CEP112: variants seen among roughly 807,000 people sequenced by gnomAD.
CEP112 encodes the protein centrosomal protein of 112 kDa.
In CEP112, 127 loss-of-function variants were observed where a neutral mutation model predicts 153.0. That is an observed-to-expected ratio of 0.83 (90% CI 0.72 to 0.96). The LOEUF (loss-of-function observed/expected upper bound fraction) is 0.96, where lower values mean the gene tolerates loss of function less well. CEP112 is among the 40% of genes least tolerant of loss of function. CEP112 has a pLI of 0.00. For missense variants in CEP112, 1,089 were observed against 1,101.2 expected, an observed-to-expected ratio of 0.99 and a Z score of 0.16; for synonymous variants, 358 against 374.4, an observed-to-expected ratio of 0.96 and a Z score of 0.51.
intron 18 of CEP112, among the ~76,000 whole-genome samples, chr17:65,938,119 C>T (rs1461204028): frequency 8.5e-6 from 1 of 117,568 alleles, no homozygotes; most frequent in Non-Finnish European, 1.8e-5. Flanking sequence ...TGACCTTACC[C>T]CCAACCCTGT....
chr17:66,147,016 T>G (rs966417416), intron 4 of CEP112, among the ~76,000 whole-genome samples: 1 of 152,184 alleles, frequency 6.6e-6, no homozygotes, highest in Non-Finnish European at 1.5e-5. Flanking sequence ...TTCTTTTGGA[T>G]GTAAAAAGAA....
At chr17:66,047,474 A>G (rs1159625798) in intron 12 of CEP112, among the ~76,000 whole-genome samples, 1 of 152,224 alleles carries the variant, frequency 6.6e-6, no homozygotes, top group Non-Finnish European at 1.5e-5. Context: ...GGACATTCAC[A>G]TATACTTTCA....
At chr17:65,885,838 G>A (rs914362203) in intron 20 of CEP112, among the ~76,000 whole-genome samples, 4 of 152,118 alleles carry the variant, frequency 2.6e-5, no homozygotes, top group East Asian at 3.9e-4. Flanking sequence ...TTTCCAATTC[G>A]AGAACTGTAC....
rs28849520 is a variant in CEP112, at chr17:66,061,271, C to T, written c.1074+1692G>A. Reference sequence around the variant, plus strand: ...GTTAGCATGATTATTATTAAAAAGTCGAAAGATAGCAAGTGTTGGTGAGGA... The same window carrying T: ...GTTAGCATGATTATTATTAAAAAGTTGAAAGATAGCAAGTGTTGGTGAGGA... On this transcript the variant is annotated intron_variant, in intron 11 of 26. Coordinates refer to ENST00000535342, the MANE Select transcript of CEP112 (RefSeq NM_001199165.4). 6.2e-3 allele frequency among the ~76,000 whole-genome samples: 946 copies of T among 151,872 alleles called. 9 individuals are homozygous for T. The highest frequency in any genetic ancestry group is 0.022 in the African/African-American group (906 of 41,458).
chr17:65,930,726 C>T (rs1013975048), intron 18 of CEP112, among the ~76,000 whole-genome samples: 1 of 152,176 alleles, frequency 6.6e-6, no homozygotes, highest in Admixed American at 6.5e-5. Context: ...CATATTGGAC[C>T]TCAAGTGAGA....
chr17:66,045,312 C>T (rs1051345120), intron 12 of CEP112, among the ~76,000 whole-genome samples: 1 of 152,080 alleles, frequency 6.6e-6, no homozygotes, highest in African/African-American at 2.4e-5. Flanking sequence ...TCAAGTGATC[C>T]ACCTGCCTCA....
intron 18 of CEP112, among the ~76,000 whole-genome samples, chr17:65,937,575 T>A (rs1343732609): frequency 5.5e-5 from 3 of 54,408 alleles, no homozygotes; most frequent in Non-Finnish European, 1.1e-4. Context: ...GTGGGGGGGG[T>A]CAGCCCCCCA....
At chr17:66,020,838 G>A (rs1055967177) in intron 16 of CEP112, among the ~76,000 whole-genome samples, 1 of 152,106 alleles carries the variant, frequency 6.6e-6, no homozygotes, top group East Asian at 1.9e-4. Flanking sequence ...TCCCGAGATG[G>A]TGGACCAGAG....
At chr17:66,067,017 AC>A (rs1212226313) in intron 9 of CEP112, 140 bp from the exon 10 acceptor site, 9 of 586 alleles carry the variant, frequency 0.015, no homozygotes, top group Non-Finnish European at 0.03. Context: ...GAAATTATAA[AC>A]ACACACACAC....
At chr17:65,664,005 T>C (rs2046546334) in intron 24 of CEP112, among the ~76,000 whole-genome samples, 1 of 152,114 alleles carries the variant, frequency 6.6e-6, no homozygotes, top group Non-Finnish European at 1.5e-5. Context: ...GAGATCGTGC[T>C]ACTGCACTCC....
chr17:65,857,648 T>G (rs1204363915), intron 20 of CEP112, among the ~76,000 whole-genome samples: 1 of 152,218 alleles, frequency 6.6e-6, no homozygotes, highest in Non-Finnish European at 1.5e-5. Context: ...ATAATATTAC[T>G]GGATTCAGTT....
intron 17 of CEP112, among the ~76,000 whole-genome samples, chr17:65,986,541 G>A (rs186186566): frequency 3.8e-4 from 58 of 152,152 alleles, no homozygotes; most frequent in East Asian, 3.5e-3. Flanking sequence ...AAAATGCATC[G>A]GATTAAAGTA....
At chr17:65,902,011 A>AAAAAAAAAAAAAAAAAC in intron 20 of CEP112, 141 bp downstream of exon 20, 2 of 431,246 alleles carry the variant, frequency 4.6e-6, no homozygotes, top group South Asian at 3.6e-5. Flanking sequence ...GGGGGGAGAA[A>AAAAAAAAAAAAAAAAAC]AACAAAAAAA....
At chr17:66,047,751 T>A (rs1432974988) in intron 12 of CEP112, among the ~76,000 whole-genome samples, 1 of 152,194 alleles carries the variant, frequency 6.6e-6, no homozygotes, top group Non-Finnish European at 1.5e-5. Context: ...AATATAAAAC[T>A]TTATACAACA....
chr17:66,034,785 C>T (rs1024182205), intron 12 of CEP112, among the ~76,000 whole-genome samples: 7 of 151,308 alleles, frequency 4.6e-5, no homozygotes, highest in African/African-American at 1.5e-4. Context: ...ATAAAGTGAA[C>T]TTGAATTTTT....
intron 24 of CEP112, among the ~76,000 whole-genome samples, chr17:65,657,906 AGTT>A (rs757183164): frequency 6.6e-6 from 1 of 152,218 alleles, no homozygotes; most frequent in African/African-American, 2.4e-5. Context: ...GGCTGAACAA[AGTT>A]GTTGTTGAAT....
chr17:65,884,559 G>C (rs745719294), intron 20 of CEP112, among the ~76,000 whole-genome samples: 1 of 152,052 alleles, frequency 6.6e-6, no homozygotes, highest in Non-Finnish European at 1.5e-5. Flanking sequence ...AAGAGGGAAA[G>C]ACAAGTCTAT....
At chr17:66,008,153 G>A (rs955790675) in intron 16 of CEP112, among the ~76,000 whole-genome samples, 5 of 151,812 alleles carry the variant, frequency 3.3e-5, no homozygotes, top group African/African-American at 7.3e-5. Context: ...ATGACAAATC[G>A]TATATACATA....
At chr17:65,700,234 T>C (rs1034415377) in intron 23 of CEP112, among the ~76,000 whole-genome samples, 1 of 152,216 alleles carries the variant, frequency 6.6e-6, no homozygotes, top group South Asian at 2.1e-4. Flanking sequence ...GAAGTATTTC[T>C]ATAATCTGGG....
Sources: gnomAD v4.1 joint callset for allele counts (sites outside exome capture counted in the v4.1 genomes callset) on GRCh38, gnomAD v4.1.1 for gene constraint, MANE v1.5 for transcripts, NCBI Gene and HGNC (gene_info 2026-07-23, HGNC 2026-07-21) for gene names.